BEST4: variants seen among roughly 807,000 people sequenced by gnomAD.
BEST4 encodes the protein bestrophin 4.
BEST4 carries 36 observed loss-of-function variants against 47.1 expected under a neutral mutation model. The observed-to-expected ratio is 0.76, with a 90% CI of 0.59 to 1.01. The LOEUF (loss-of-function observed/expected upper bound fraction) is 1.01. BEST4 is among the 50% of genes least tolerant of loss of function. The probability of loss-of-function intolerance (pLI) is 0.00; values close to 1 mark genes in which losing one functional copy is unlikely to be tolerated. For missense variants in BEST4, 550 were observed against 648.6 expected (o/e 0.85, Z 1.65); for synonymous variants, 250 against 277.8 (o/e 0.90, Z 1.00).
upstream of BEST4, among the ~76,000 whole-genome samples, chr1:44,789,903 A>G (rs912790130): frequency 1.3e-5 from 2 of 152,118 alleles, no homozygotes; most frequent in African/African-American, 4.8e-5. Context: ...TCCTAAAGAT[A>G]GGAAGCATAG....
At position 44,786,583 on chromosome 1, in the gene BEST4, C is replaced by G; in HGVS notation, c.361G>C (p.Gly121Arg). The G allele has an allele frequency of 6.4e-7, 1 of 1,550,524 alleles. No homozygotes were observed. Among genetic ancestry groups the G allele is most frequent in the Non-Finnish European group, 8.7e-7 (1 of 1,146,958 alleles). Reference protein sequence around the residue: ...SASVHGVDQRGRLLRRTLIRY... With the variant: ...SASVHGVDQRRRLLRRTLIRY... The stretch of plus-strand genomic sequence containing the variant: ...ATGAGGGTGCGGCGCAGCAGGCGGC[C>G]CCGCTGGTCCACGCCGTGCACGCTA... Residue 121 changes from glycine (G) to arginine (R), a missense_variant, in exon 3 of 9, where the codon GGC (glycine) becomes CGC (arginine). Around this residue, in one of 3 missense-constraint regions of BEST4, gnomAD observed 291 missense variants for 342.4 expected, o/e 0.85. Transcript: ENST00000372207. The surrounding 1 kb of genome is among the most constrained non-coding windows in gnomAD (Gnocchi z 4.9).
At position 44,784,204 on chromosome 1, in the gene BEST4, G is replaced by A; in HGVS notation, c.*6C>T. ...TGGGGGAAACCGGGCGGGGGCAGGC[G>A]AGACCTCAGGGCTCCAGGGCCTCGT... On this transcript the variant is annotated 3_prime_UTR_variant, in exon 9 of 9. Coordinates refer to ENST00000372207, the MANE Select transcript of BEST4 (RefSeq NM_153274.3). This position sits in a 1 kb window ranked among gnomAD's most constrained non-coding sequence, Gnocchi z 6.2. The A allele has an allele frequency of 7.1e-7, 1 of 1,417,386 alleles. No individual in the cohort carries two copies. 87.8% of individuals were successfully genotyped at this position (1,417,386 alleles called of 1,614,324 possible). A position where few individuals can be genotyped will look rare whatever the true frequency, so the allele number is the denominator to read the frequency against.
rs780600364 is a variant in BEST4, at chr1:44,786,214, C to T, written c.496G>A (p.Glu166Lys). 14 of 1,613,020 alleles carry T rather than the reference C, an allele frequency of 8.7e-6. No individual in the cohort carries two copies. The South Asian group carries it at 1.4e-4, about 16-fold the overall frequency. The change falls in exon 4 of 9, where the codon GAA (glutamate) becomes AAA (lysine). Residue 166 changes from glutamate to lysine, a missense_variant. By Grantham distance (56) the Glu-to-Lys change is moderately conservative. Around this residue, in one of 3 missense-constraint regions of BEST4, gnomAD observed 291 missense variants for 342.4 expected, o/e 0.85. Transcript: ENST00000372207. The surrounding 1 kb of genome is among the most constrained non-coding windows in gnomAD (Gnocchi z 4.9). ...AGGCTCTCAAACTTTTTCCTCTCTTCCTGGGACATGAAACCTGAGGGGGTA... is the reference window on the plus strand; with the variant it reads ...AGGCTCTCAAACTTTTTCCTCTCTTTCTGGGACATGAAACCTGAGGGGGTA... ...HVVDAGFMSQ[E>K]ERKKFESLKS... is the part of the protein sequence containing the mutation.
At chr1:44,790,345 C>T (rs1246661616), upstream of BEST4, among the ~76,000 whole-genome samples, 1 of 152,182 alleles carries the variant, frequency 6.6e-6, no homozygotes, top group Non-Finnish European at 1.5e-5. Flanking sequence ...CCCTCATCAC[C>T]AGTCTCTGCC....
At chr1:44,785,518 A>T (rs763431769) in intron 5 of BEST4, 81 bp downstream of exon 5, 30 of 1,376,582 alleles carry the variant, frequency 2.2e-5, no homozygotes, top group Non-Finnish European at 2.8e-5. Context: ...CCAGGCAAGT[A>T]CCATCGCTAA....
At chr1:44,785,015 G>T in intron 6 of BEST4, 30 bp from the exon 7 acceptor site, 2 of 1,612,822 alleles carry the variant, frequency 1.2e-6, no homozygotes, top group Non-Finnish European at 1.7e-6. Flanking sequence ...GGTTTTCTGG[G>T]TTCAGAGCCC....
downstream of BEST4, among the ~76,000 whole-genome samples, chr1:44,782,743 C>A (rs982816726): frequency 2.6e-5 from 4 of 152,070 alleles, no homozygotes; most frequent in African/African-American, 9.7e-5. Context: ...GTCAACTGAC[C>A]CTGCCAGAGG....
chr1:44,790,304 C>T (rs1651378373), upstream of BEST4, among the ~76,000 whole-genome samples: 1 of 152,170 alleles, frequency 6.6e-6, no homozygotes, highest in Non-Finnish European at 1.5e-5. Flanking sequence ...AAGCTGAATA[C>T]ACAAGGCCCT....
chr1:44,784,744 G>T lies in BEST4; in HGVS notation c.1033C>A (p.Pro345Thr), dbSNP rs1422816473. The change falls in exon 8 of 9, where the codon CCC (proline) becomes ACC (threonine). Residue 345 changes from proline (P) to threonine (T), a missense_variant. This residue lies in a region of BEST4 where 255 missense variants were observed against 286.6 expected (regional missense o/e 0.89). Coordinates refer to ENST00000372207, the MANE Select transcript of BEST4 (RefSeq NM_153274.3). This position sits in a 1 kb window ranked among gnomAD's most constrained non-coding sequence, Gnocchi z 6.2. Reference sequence around the variant, plus strand: ...CAGTACTGGTCCTTCTCAGCGGGGGGAAGGTTCTGGTACATTTCGTCCACG... The same window carrying T: ...CAGTACTGGTCCTTCTCAGCGGGGGTAAGGTTCTGGTACATTTCGTCCACG... ...LSVDEMYQNL[P>T]PAEKDQYWDE... 6.2e-7 allele frequency: 1 copy of T among 1,602,092 alleles called. No individual in the cohort carries two copies. The highest frequency in any genetic ancestry group is 2.2e-5 in the East Asian group (1 of 44,736).
chr1:44,784,382 C>G lies in BEST4; in HGVS notation c.1250G>C (p.Gly417Ala). ...GATGGCCGGGGAGGGCGCCCCTACG[C>G]CCAGGAAGCGGCCGAGCAACGGGGT... ...AQTPLLGRFL[G>A]VGAPSPAISL... is the part of the protein sequence containing the mutation. Residue 417 changes from glycine (G) to alanine (A), a missense_variant, in exon 9 of 9, where the codon GGC (glycine) becomes GCC (alanine). Physicochemically the swap from Gly to Ala is moderately conservative, Grantham distance 60. Around this residue, in one of 3 missense-constraint regions of BEST4, gnomAD observed 255 missense variants for 286.6 expected, o/e 0.89. Transcript: ENST00000372207. The surrounding 1 kb of genome is among the most constrained non-coding windows in gnomAD (Gnocchi z 6.2). 1 of 1,401,632 alleles carries G rather than the reference C, an allele frequency of 7.1e-7. No homozygotes were observed. Among genetic ancestry groups the G allele is most frequent in the Non-Finnish European group, 9.2e-7 (1 of 1,089,862 alleles). The allele number at this position is 1,401,632 out of a possible 1,614,324, so 86.8% of individuals were successfully genotyped here. A position where few individuals can be genotyped will look rare whatever the true frequency, so the allele number is the denominator to read the frequency against.
At position 44,785,216 on chromosome 1, in the gene BEST4, C is replaced by T; in HGVS notation, c.804G>A (p.Gln268=). The part of the protein sequence containing the change: ...VEPEAGAAKP[Q]KLLKPGQEPA... ...GCTCCTGGCCTGGCTTCAGAAGCTT[C>T]TGAGGTTTGGCAGCCCCTGCCTCTG... The change falls in exon 6 of 9, where the codon CAG becomes CAA. Residue 268 remains glutamine, a synonymous_variant. Coordinates refer to ENST00000372207, the MANE Select transcript of BEST4 (RefSeq NM_153274.3). The T allele has an allele frequency of 6.2e-7, 1 of 1,613,714 alleles. No homozygotes were observed. The highest frequency in any genetic ancestry group is 8.5e-7 in the Non-Finnish European group (1 of 1,179,910).
In BEST4 at chr1:44,784,711, C is replaced by T; in HGVS notation, c.1066G>A (p.Asp356Asn). Residue 356 changes from aspartate to asparagine, a missense_variant, in exon 8 of 9, where the codon GAC becomes AAC. Asp to Asn is a conservative substitution (Grantham distance 23). Transcript: ENST00000372207. The surrounding 1 kb of genome is among the most constrained non-coding windows in gnomAD (Gnocchi z 6.2). ...PAEKDQYWDE[D>N]QPQPPYTVAT... The stretch of plus-strand genomic sequence containing the variant: ...ACAGTGTAGGGTGGCTGCGGCTGGT[C>T]CTCATCCCAGTACTGGTCCTTCTCA... The T allele has an allele frequency of 6.2e-7, 1 of 1,610,910 alleles. No individual in the cohort carries two copies. The highest frequency in any genetic ancestry group is 8.5e-7 in the Non-Finnish European group (1 of 1,178,566).
At chr1:44,792,781 C>T (rs929465155), upstream of BEST4, among the ~76,000 whole-genome samples, 3 of 152,124 alleles carry the variant, frequency 2.0e-5, no homozygotes, top group Non-Finnish European at 4.4e-5. Context: ...CGAGACCAGC[C>T]TGGACAACAT....
chr1:44,785,165 G>T lies in BEST4; in HGVS notation c.855C>A (p.Asp285Glu). ...GCAGAGTGGTGAGAGGCACGTACAT[G>T]TCCGGGTCTCCCAGGGCTGGGGCTG... ...QEPAPALGDP[D>E]MYVPLTTLLQ... Residue 285 changes from aspartate to glutamate, a missense_variant, in exon 6 of 9, where the codon GAC (aspartate) becomes GAA (glutamate). Transcript: ENST00000372207. The T allele has an allele frequency of 1.2e-6, 2 of 1,614,062 alleles. No homozygotes were observed.
chr1:44,791,162 C>G (rs563334046), upstream of BEST4, among the ~76,000 whole-genome samples: 1 of 151,764 alleles, frequency 6.6e-6, no homozygotes, highest in Non-Finnish European at 1.5e-5. Context: ...ACTGGCGTTA[C>G]ATTCTCCATG....
In BEST4 at chr1:44,787,617, T is replaced by C. The variant is rs764597609; in HGVS notation, c.89A>G (p.Lys30Arg). The C allele has an allele frequency of 1.2e-6, 2 of 1,614,076 alleles. No individual in the cohort carries two copies. The highest frequency in any genetic ancestry group is 1.7e-6 in the Non-Finnish European group (2 of 1,180,044). ...GAGGAGGAATTCCTTGTAGAGGAGCTTGTAGATGCTTCCCCTCCAGCGGAG... is the reference window on the plus strand; with the variant it reads ...GAGGAGGAATTCCTTGTAGAGGAGCCTGTAGATGCTTCCCCTCCAGCGGAG... ...LLLRWRGSIY[K>R]LLYKEFLLFG... The change falls in exon 1 of 9, where the codon AAG (lysine) becomes AGG (arginine). Residue 30 changes from lysine (K) to arginine (R), a missense_variant. By Grantham distance (26) the Lys-to-Arg change is conservative (BLOSUM62 2). Coordinates refer to ENST00000372207, the MANE Select transcript of BEST4 (RefSeq NM_153274.3).
chr1:44,792,157 G>C (rs916114183), upstream of BEST4, among the ~76,000 whole-genome samples: 1 of 152,124 alleles, frequency 6.6e-6, no homozygotes, highest in African/African-American at 2.4e-5. Flanking sequence ...CAGAAGAATC[G>C]CTTGAACCTG....
Position 44,784,523 on chromosome 1 carries a change from G to A in BEST4, c.1149-40C>T, listed in dbSNP as rs1302066976. The stretch of plus-strand genomic sequence containing the variant: ...GCGGGCTGAGCCGGGGCACAGGGCG[G>A]GAGCGGGGACGCGGGATCGGCTCTC... On this transcript the variant is annotated intron_variant, in intron 8 of 8. Coordinates refer to ENST00000372207, the MANE Select transcript of BEST4 (RefSeq NM_153274.3). The surrounding 1 kb of genome is among the most constrained non-coding windows in gnomAD (Gnocchi z 6.2). The A allele has an allele frequency of 2.0e-6, 3 of 1,497,686 alleles. No homozygotes were observed. The highest frequency in any genetic ancestry group is 2.7e-6 in the Non-Finnish European group (3 of 1,125,088). The allele number at this position is 1,497,686 out of a possible 1,614,324, so 92.8% of individuals were successfully genotyped here. A position where few individuals can be genotyped will look rare whatever the true frequency, so the allele number is the denominator to read the frequency against.
upstream of BEST4, among the ~76,000 whole-genome samples, chr1:44,789,588 C>T (rs1414473816): frequency 6.6e-6 from 1 of 152,056 alleles, no homozygotes. Flanking sequence ...ATCCCAGCTA[C>T]TCCGGAGGCT....
Sources: allele counts gnomAD v4.1 joint callset (sites outside exome capture counted in the v4.1 genomes callset), GRCh38; gene constraint gnomAD v4.1.1; regional missense constraint gnomAD v4.1.1; non-coding constraint Gnocchi (gnomAD v3.1); transcripts MANE v1.5; gene names NCBI Gene and HGNC (gene_info 2026-07-23, HGNC 2026-07-21).